BRPF1: variants seen among roughly 807,000 people sequenced by gnomAD.
The protein encoded by BRPF1 is peregrin.
In BRPF1, 15 loss-of-function variants were observed where a neutral mutation model predicts 115.0. The observed-to-expected ratio is 0.13, with a 90% CI of 0.09 to 0.20. The LOEUF is 0.20. Ranked by LOEUF, BRPF1 falls within the 10% of genes least tolerant of loss-of-function variation. BRPF1 has a pLI of 1.00. For missense variants in BRPF1, 1,118 were observed against 1,638.3 expected (o/e 0.68, Z 5.48); for synonymous variants, 647 against 619.8 (o/e 1.04, Z -0.65).
At chr3:9,744,916 A>T (rs757114925) in intron 9 of BRPF1, 92 bp from the exon 10 acceptor site, 5 of 1,554,258 alleles carry the variant, frequency 3.2e-6, no homozygotes, top group Non-Finnish European at 4.4e-6. Context: ...CAGAAGGGGA[A>T]CCCAAGCTCC....
Position 9,744,226 on chromosome 3 carries a change from C to T in BRPF1, c.2638C>T (p.Leu880=), listed in dbSNP as rs2077083249. The T allele has an allele frequency of 6.5e-7, 1 of 1,530,554 alleles. No individual in the cohort carries two copies. The allele number at this position is 1,530,554 out of a possible 1,614,324, so 94.8% of individuals were successfully genotyped here. ...CCTTCTTTCTTTCTCTGCTCCAGGC[C>T]TGGGTCCCAACATGTCCTCAACCCC... ...ESSSQETSKG[L]GPNMSSTPAH... Residue 880 remains leucine (L), a splice_region_variant and synonymous_variant, in exon 9 of 14, where the codon CTG becomes TTG. Coordinates refer to ENST00000383829, the MANE Select transcript of BRPF1 (RefSeq NM_001003694.2).
At chr3:9,737,056 C>T (rs1176787246) in intron 2 of BRPF1, among the ~76,000 whole-genome samples, 4 of 152,156 alleles carry the variant, frequency 2.6e-5, no homozygotes, top group Admixed American at 6.5e-5. Context: ...TGGAAGAAGC[C>T]AGATGGTTCA....
rs200084177 is a variant in BRPF1 at position 9,734,098 on chromosome 3, C to A, written c.-10-33C>A. On this transcript the variant is annotated intron_variant, in intron 1 of 13. Transcript: ENST00000383829. The surrounding 1 kb of genome is among the most constrained non-coding windows in gnomAD (Gnocchi z 5.7). ...GGTGCAAATGGCCAGGAACTCATCC[C>A]CAGCCTTATGTTAACTGATCTGTGT... The A allele has an allele frequency of 1.2e-5, 19 of 1,537,000 alleles. No individual in the cohort carries two copies. The highest frequency in any genetic ancestry group is 1.6e-5 in the Non-Finnish European group (18 of 1,140,930).
intron 13 of BRPF1, among the ~76,000 whole-genome samples, chr3:9,746,746 C>A (rs1329920499): frequency 6.6e-6 from 1 of 151,930 alleles, no homozygotes; most frequent in Non-Finnish European, 1.5e-5. Flanking sequence ...ACTTAGTTTT[C>A]CCACCTCTGC....
chr3:9,742,658 C>T (rs1464916338), intron 6 of BRPF1: 1 of 652,844 alleles, frequency 1.5e-6, no homozygotes, highest in Non-Finnish European at 1.9e-6. Context: ...CATTTTCTTA[C>T]TAAAGCCTCA....
intron 6 of BRPF1, chr3:9,742,546 A>G: frequency 1.0e-6 from 1 of 985,430 alleles, no homozygotes; most frequent in Non-Finnish European, 1.2e-6. Context: ...TAAAAGGTAT[A>G]AAATGAGAGG....
chr3:9,744,615 A>T, intron 9 of BRPF1, 107 bp downstream of exon 9: 1 of 833,480 alleles, frequency 1.2e-6, no homozygotes, highest in Non-Finnish European at 1.8e-6. Flanking sequence ...GCGAGCTAGA[A>T]GGGTCCTTAG....
intron 2 of BRPF1, among the ~76,000 whole-genome samples, chr3:9,737,222 GA>G (rs1292016477): frequency 1.3e-5 from 2 of 152,186 alleles, no homozygotes; most frequent in Non-Finnish European, 2.9e-5. Flanking sequence ...GAACAGTGAT[GA>G]GTGCCTGTAT....
At chr3:9,732,646 G>C (rs1228842456) in intron 1 of BRPF1, 2 of 152,278 alleles carry the variant, frequency 1.3e-5, no homozygotes, top group African/African-American at 4.8e-5. Flanking sequence ...AGGAGAGCTT[G>C]TTTGTGCTTC....
At position 9,745,571 on chromosome 3, in the gene BRPF1, AG is replaced by A. The variant is rs754005963; in HGVS notation, c.3069-1del. Reference sequence around the variant, plus strand: ...GCTGAGCTCCCATTGTCTTGTCCACAGCACAACGCCCTCAAAACAAGGCCGG... The same window carrying A: ...GCTGAGCTCCCATTGTCTTGTCCACACACAACGCCCTCAAAACAAGGCCGG... On this transcript the variant is annotated splice_acceptor_variant, in intron 10 of 13. Transcript: ENST00000383829. LOFTEE classifies it high-confidence loss of function. This position sits in a 1 kb window ranked among gnomAD's most constrained non-coding sequence, Gnocchi z 5.1. 6.2e-7 allele frequency: 1 copy of A among 1,614,062 alleles called. No individual in the cohort carries two copies. Among genetic ancestry groups the A allele is most frequent in the Non-Finnish European group, 8.5e-7 (1 of 1,179,912 alleles).
In BRPF1 at chr3:9,745,936, C is replaced by T; in HGVS notation, c.3324+6C>T. ...ATCCATCATACCCAGCTCTGGTATG[C>T]TTGCTTCTGTTACACTTCTTGCTTT... On this transcript the variant is annotated splice_donor_region_variant and intron_variant, in intron 12 of 13. Transcript: ENST00000383829. The surrounding 1 kb of genome is among the most constrained non-coding windows in gnomAD (Gnocchi z 5.1). 6.2e-7 allele frequency: 1 copy of T among 1,604,466 alleles called. No individual in the cohort carries two copies. Among genetic ancestry groups the T allele is most frequent in the Non-Finnish European group, 8.5e-7 (1 of 1,174,746 alleles).
rs565879179 is a variant in BRPF1, at chr3:9,734,921, G to A, written c.599+182G>A. Among the ~76,000 whole-genome samples, 7 of 151,836 alleles carry A rather than the reference G, an allele frequency of 4.6e-5. No homozygotes were observed. In the South Asian group the frequency reaches 1.2e-3, roughly 27 times the overall value. On this transcript the variant is annotated intron_variant, in intron 2 of 13. Transcript: ENST00000383829. This position sits in a 1 kb window ranked among gnomAD's most constrained non-coding sequence, Gnocchi z 5.7. ...ATGCACTTACTCTACAGTGCCACAC[G>A]CTACTCCTTTATTTTATTCTCAAAA...
Position 9,747,226 on chromosome 3 carries a change from G to A in BRPF1, c.3540G>A (p.Glu1180=), listed in dbSNP as rs143857877. ...PLGVNQDLDK[E]KMLEGRKSNI... is the part of the protein sequence containing the mutation. ...GTGTGAACCAGGACCTAGACAAGGA[G>A]AAGATGCTGGAGGGCCGCAAGTCCA... Residue 1180 remains glutamate (E), a synonymous_variant, in exon 14 of 14, where the codon GAG becomes GAA. Coordinates refer to ENST00000383829, the MANE Select transcript of BRPF1 (RefSeq NM_001003694.2). The surrounding 1 kb of genome is among the most constrained non-coding windows in gnomAD (Gnocchi z 5.6). 4.5e-4 allele frequency: 722 copies of A among 1,614,204 alleles called. 3 individuals carry two copies. The African/African-American group carries it at 8.3e-3, about 19-fold the overall frequency.
In BRPF1 at chr3:9,745,424, C is replaced by G; in HGVS notation, c.3069-149C>G. ...CCTCTGTTAGGTCATCAGCCTAGCC[C>G]CTGTGGGTGTTTGAATTTGAAATTC... On this transcript the variant is annotated intron_variant, in intron 10 of 13. Transcript: ENST00000383829. This position sits in a 1 kb window ranked among gnomAD's most constrained non-coding sequence, Gnocchi z 5.1. 4 of 1,036,012 alleles carry G rather than the reference C, an allele frequency of 3.9e-6. No homozygotes were observed. Among genetic ancestry groups the G allele is most frequent in the Non-Finnish European group, 4.3e-6 (3 of 701,990 alleles). 64.2% of individuals were successfully genotyped at this position (1,036,012 alleles called of 1,614,324 possible).
chr3:9,734,739 G>A lies in BRPF1; in HGVS notation c.599G>A (p.Arg200Gln), dbSNP rs1324123322. ...CCACCCCGGCCAACTTCCTATTACC[G>A]GTAAGGCCACCTCTACCTTGCAGCT... is the stretch of plus-strand genomic sequence containing the variant. ...DAPPRPTSYY[R>Q]YIEKSAEELD... Residue 200 changes from arginine to glutamine, a missense_variant and splice_region_variant, in exon 2 of 14, where the codon CGG (arginine) becomes CAG (glutamine). By Grantham distance (43) the Arg-to-Gln change is conservative (BLOSUM62 1). Around this residue, in one of 10 missense-constraint regions of BRPF1, gnomAD observed 280 missense variants for 382.8 expected, o/e 0.73. Coordinates refer to ENST00000383829, the MANE Select transcript of BRPF1 (RefSeq NM_001003694.2). This position sits in a 1 kb window ranked among gnomAD's most constrained non-coding sequence, Gnocchi z 5.7. 2.5e-6 allele frequency: 4 copies of A among 1,613,614 alleles called. No homozygotes were observed. Among genetic ancestry groups the A allele is most frequent in the Non-Finnish European group, 2.5e-6 (3 of 1,179,714 alleles).
intron 13 of BRPF1, among the ~76,000 whole-genome samples, chr3:9,746,924 G>A (rs1032362639): frequency 3.9e-5 from 6 of 152,288 alleles, no homozygotes; most frequent in Middle Eastern, 3.4e-3. Flanking sequence ...TTCTGGTGAG[G>A]TCAGGGTGCC....
Position 9,743,263 on chromosome 3 carries a change from A to T in BRPF1, c.2311+10A>T. The T allele has an allele frequency of 1.2e-5, 20 of 1,609,578 alleles. No individual in the cohort carries two copies. Among genetic ancestry groups the T allele is most frequent in the Non-Finnish European group, 1.7e-5 (20 of 1,177,158 alleles). On this transcript the variant is annotated intron_variant, in intron 7 of 13. Transcript: ENST00000383829. This position sits in a 1 kb window ranked among gnomAD's most constrained non-coding sequence, Gnocchi z 6.1. ...CACCACACTGAAGATGGTGGGTGAT[A>T]TATCACACACACATATAAGAGGCCA...
At chr3:9,735,466 G>A (rs1385288776) in intron 2 of BRPF1, among the ~76,000 whole-genome samples, 1 of 152,152 alleles carries the variant, frequency 6.6e-6, no homozygotes, top group Non-Finnish European at 1.5e-5. Flanking sequence ...CTTGGGAAAT[G>A]CATCCAAATT....
In BRPF1 at chr3:9,743,269, C is replaced by A. The variant is rs766392217; in HGVS notation, c.2311+16C>A. The A allele has an allele frequency of 5.0e-6, 8 of 1,607,268 alleles. No individual in the cohort carries two copies. Among genetic ancestry groups the A allele is most frequent in the Non-Finnish European group, 6.8e-6 (8 of 1,175,764 alleles). On this transcript the variant is annotated intron_variant, in intron 7 of 13. Coordinates refer to ENST00000383829, the MANE Select transcript of BRPF1 (RefSeq NM_001003694.2). The surrounding 1 kb of genome is among the most constrained non-coding windows in gnomAD (Gnocchi z 6.1). ...ACTGAAGATGGTGGGTGATATATCA[C>A]ACACACATATAAGAGGCCAATGCCG...
Sources: allele counts gnomAD v4.1 joint callset (sites outside exome capture counted in the v4.1 genomes callset), GRCh38; gene constraint gnomAD v4.1.1; regional missense constraint gnomAD v4.1.1; non-coding constraint Gnocchi (gnomAD v3.1); transcripts MANE v1.5; gene names NCBI Gene and HGNC (gene_info 2026-07-23, HGNC 2026-07-21).